Variants in HLF observed in about 807,000 individuals in gnomAD.
The protein encoded by HLF is HLF transcription factor, PAR bZIP family member.
Under a neutral mutation model 22.6 loss-of-function variants are expected in HLF, and 3 were observed. That is an observed-to-expected ratio of 0.13 (90% confidence interval 0.06 to 0.34). The LOEUF (loss-of-function observed/expected upper bound fraction) is 0.34, where lower values mean the gene tolerates loss of function less well. Among genes scored for constraint, HLF ranks in the 10% least tolerant of loss-of-function variants. The pLI is 1.00. For missense variants in HLF, 299 were observed against 389.2 expected (o/e 0.77, Z 1.95); for synonymous variants, 151 against 151.8 (o/e 0.99, Z 0.04).
intron 2 of HLF, chr17:55,283,848 C>G (rs546443082): frequency 2.0e-5 from 3 of 152,158 alleles, no homozygotes; most frequent in Admixed American, 1.3e-4. Flanking sequence ...GGCAGTCAGC[C>G]GTACACTCCA....
chr17:55,322,829 G>A lies in HLF; in HGVS notation c.*1950G>A, dbSNP rs763031265. 4 of 228,624 alleles carry A rather than the reference G, an allele frequency of 1.7e-5. No individual in the cohort carries two copies. Among genetic ancestry groups the A allele is most frequent in the Non-Finnish European group, 3.5e-5 (4 of 114,990 alleles). The allele number at this position is 228,624 out of a possible 1,614,324, so 14.2% of individuals were successfully genotyped here. ...CCCTGCGGGCCCGCACGTTTTATGA[G>A]GTTGATATCGGTGCTATGTGTTTGG... On this transcript the variant is annotated 3_prime_UTR_variant, in exon 4 of 4. Transcript: ENST00000226067.
intron 3 of HLF, among the ~76,000 whole-genome samples, chr17:55,317,467 A>G (rs774422248): frequency 1.3e-5 from 2 of 152,338 alleles, no homozygotes; most frequent in African/African-American, 4.8e-5. Context: ...GGCAACAAAG[A>G]GGCCAGACAA....
intron 2 of HLF, among the ~76,000 whole-genome samples, chr17:55,303,861 G>A (rs1904415330): frequency 6.6e-6 from 1 of 152,200 alleles, no homozygotes; most frequent in Admixed American, 6.5e-5. Context: ...ACTCCAGTTG[G>A]CCATATTGGT....
At chr17:55,303,840 G>A (rs1235789302) in intron 2 of HLF, among the ~76,000 whole-genome samples, 3 of 152,228 alleles carry the variant, frequency 2.0e-5, no homozygotes, top group Admixed American at 6.5e-5. Context: ...CAGTAAGCTC[G>A]TTCTGCACAG....
intron 2 of HLF, among the ~76,000 whole-genome samples, chr17:55,276,793 A>G (rs1352121586): frequency 1.3e-5 from 2 of 152,222 alleles, no homozygotes; most frequent in African/African-American, 4.8e-5. Context: ...AAGGTTTTTC[A>G]GCAGGAAAGT....
At chr17:55,311,497 C>G (rs1439670328) in intron 2 of HLF, among the ~76,000 whole-genome samples, 1 of 151,906 alleles carries the variant, frequency 6.6e-6, no homozygotes, top group Non-Finnish European at 1.5e-5. Flanking sequence ...GAGCGAGAGT[C>G]TGTCTCAAAG....
At chr17:55,317,783 C>T (rs1443481670) in intron 3 of HLF, among the ~76,000 whole-genome samples, 1 of 152,174 alleles carries the variant, frequency 6.6e-6, no homozygotes, top group Non-Finnish European at 1.5e-5. Context: ...AATGATCTTC[C>T]CTGTAGCTGC....
chr17:55,322,489 A>C lies in HLF; in HGVS notation c.*1610A>C, dbSNP rs1905295790. On this transcript the variant is annotated 3_prime_UTR_variant, in exon 4 of 4. Transcript: ENST00000226067. ...GAGAAGAAGTGCTTGGGGGTTTTTG[A>C]AGTCTTTAATATTTTAAGCCCTATC... The C allele has an allele frequency of 4.8e-6, 1 of 209,838 alleles. No homozygotes were observed. The highest frequency in any genetic ancestry group is 7.2e-5 in the East Asian group (1 of 13,800). The allele number at this position is 209,838 out of a possible 1,614,324, so 13.0% of individuals were successfully genotyped here. A position where few individuals can be genotyped will look rare whatever the true frequency, so the allele number is the denominator to read the frequency against.
At chr17:55,292,093 T>G (rs1014909181) in intron 2 of HLF, among the ~76,000 whole-genome samples, 1 of 152,210 alleles carries the variant, frequency 6.6e-6, no homozygotes. Context: ...CTCCTAGTGA[T>G]GATGCTGTGA....
intron 2 of HLF, among the ~76,000 whole-genome samples, chr17:55,278,782 T>C (rs1316150404): frequency 6.6e-6 from 1 of 152,202 alleles, no homozygotes; most frequent in Non-Finnish European, 1.5e-5. Flanking sequence ...GCTGAGTTAG[T>C]AACACTGAAG....
At chr17:55,266,276 T>TA (rs2080788329) in intron 1 of HLF, 1 of 152,220 alleles carries the variant, frequency 6.6e-6, no homozygotes, top group Non-Finnish European at 1.5e-5. Flanking sequence ...GGCTCACGTG[T>TA]AACCGCGCAG....
intron 3 of HLF, among the ~76,000 whole-genome samples, chr17:55,317,293 T>G (rs1000799189): frequency 6.6e-6 from 1 of 152,134 alleles, no homozygotes; most frequent in Admixed American, 6.5e-5. Flanking sequence ...AAGCCTCGTA[T>G]CTTAAACTAA....
chr17:55,320,948 C>G lies in HLF; in HGVS notation c.*69C>G. ...GTTTCCTGTCTGATAGCACCACACGCAAACCAACCTTTCTGACATCAGCAC... is the reference window on the plus strand; with the variant it reads ...GTTTCCTGTCTGATAGCACCACACGGAAACCAACCTTTCTGACATCAGCAC... On this transcript the variant is annotated 3_prime_UTR_variant, in exon 4 of 4. Transcript: ENST00000226067. This position sits in a 1 kb window ranked among gnomAD's most constrained non-coding sequence, Gnocchi z 4.2. 1 of 1,228,140 alleles carries G rather than the reference C, an allele frequency of 8.1e-7. No homozygotes were observed. Among genetic ancestry groups the G allele is most frequent in the Non-Finnish European group, 1.2e-6 (1 of 861,128 alleles). 76.1% of individuals were successfully genotyped at this position (1,228,140 alleles called of 1,614,324 possible).
Position 55,288,388 on chromosome 17 carries a change from T to A in HLF, c.451+20302T>A, listed in dbSNP as rs574921530. Among the ~76,000 whole-genome samples, 8 of 152,166 alleles carry A rather than the reference T, an allele frequency of 5.3e-5. No homozygotes were observed. The East Asian group carries it at 1.6e-3, about 30-fold the overall frequency. Reference sequence around the variant, plus strand: ...GTCTCTAACTCCTGACCTCAAGTGATCCGCCCTCCTTGGCTTCCCAAAGTG... The same window carrying A: ...GTCTCTAACTCCTGACCTCAAGTGAACCGCCCTCCTTGGCTTCCCAAAGTG... On this transcript the variant is annotated intron_variant, in intron 2 of 3. Coordinates refer to ENST00000226067, the MANE Select transcript of HLF (RefSeq NM_002126.5).
chr17:55,324,037 G>A lies in HLF; in HGVS notation c.*3158G>A. The A allele has an allele frequency of 4.4e-6, 1 of 229,176 alleles. No individual in the cohort carries two copies. The highest frequency in any genetic ancestry group is 2.2e-5 in the African/African-American group (1 of 45,234). 14.2% of individuals were successfully genotyped at this position (229,176 alleles called of 1,614,324 possible). A position where few individuals can be genotyped will look rare whatever the true frequency, so the allele number is the denominator to read the frequency against. ...CTGCTGGTGCTGCCTTAAGGAGGTA[G>A]TTTGTTGAGGGGAGGGCTGTAGATC... On this transcript the variant is annotated 3_prime_UTR_variant, in exon 4 of 4. Coordinates refer to ENST00000226067, the MANE Select transcript of HLF (RefSeq NM_002126.5).
At chr17:55,276,596 T>C (rs370393902) in intron 2 of HLF, among the ~76,000 whole-genome samples, 2 of 152,144 alleles carry the variant, frequency 1.3e-5, no homozygotes, top group Non-Finnish European at 2.9e-5. Flanking sequence ...CACAAAGTTA[T>C]AGAGGCAGGA....
chr17:55,312,930 G>A (rs1424535206), intron 2 of HLF, among the ~76,000 whole-genome samples: 1 of 152,204 alleles, frequency 6.6e-6, no homozygotes, highest in East Asian at 1.9e-4. Context: ...GAAAAAATGA[G>A]TTTAGTAGAG....
chr17:55,270,988 C>T (rs1249580799), intron 2 of HLF, among the ~76,000 whole-genome samples: 4 of 152,254 alleles, frequency 2.6e-5, no homozygotes, highest in Middle Eastern at 3.4e-3. Context: ...TTAGCAGCAT[C>T]GCGGCCCCTA....
intron 2 of HLF, among the ~76,000 whole-genome samples, chr17:55,297,524 A>G (rs990930709): frequency 2.6e-5 from 4 of 152,054 alleles, no homozygotes; most frequent in African/African-American, 7.2e-5. Context: ...TATCCATCTT[A>G]GGAAATTAGG....
Sources: gnomAD v4.1 joint callset for allele counts (sites outside exome capture counted in the v4.1 genomes callset) on GRCh38, gnomAD v4.1.1 for gene constraint, Gnocchi (gnomAD v3.1) non-coding constraint, MANE v1.5 for transcripts, NCBI Gene and HGNC (gene_info 2026-07-23, HGNC 2026-07-21) for gene names.